FURIN: variants seen among roughly 807,000 people sequenced by gnomAD.
The protein encoded by FURIN is FES upstream region.
FURIN carries 18 observed loss-of-function variants against 89.2 expected under a neutral mutation model. That is an observed-to-expected ratio of 0.20 (90% CI 0.14 to 0.30). The LOEUF (loss-of-function observed/expected upper bound fraction) is 0.30. FURIN is among the 10% of genes least tolerant of loss of function. FURIN has a pLI of 1.00. For synonymous variants in FURIN, 508 were observed against 466.4 expected (o/e 1.09, Z -1.15); for missense variants, 879 against 1,100.5 (o/e 0.80, Z 2.85).
chr15:90,881,556 A>G lies in FURIN; in HGVS notation c.2063A>G (p.Gln688Arg). The G allele has an allele frequency of 6.2e-7, 1 of 1,612,292 alleles. No homozygotes were observed. The highest frequency in any genetic ancestry group is 1.7e-5 in the Admixed American group (1 of 59,966). Residue 688 changes from glutamine (Q) to arginine (R), a missense_variant, in exon 16 of 16, where the codon CAG becomes CGG. Transcript: ENST00000268171. This position sits in a 1 kb window ranked among gnomAD's most constrained non-coding sequence, Gnocchi z 4.3. Reference sequence around the variant, plus strand: ...CAGAGCAGCCGAGAGTCCCCGCCACAGCAGCAGCCACCTCGGCTGCCCCCG... The same window carrying G: ...CAGAGCAGCCGAGAGTCCCCGCCACGGCAGCAGCCACCTCGGCTGCCCCCG... The part of the protein sequence containing the change: ...QSQSSRESPP[Q>R]QQPPRLPPEV...
chr15:90,877,267 A>C, intron 6 of FURIN, 56 bp downstream of exon 6: 1 of 1,396,246 alleles, frequency 7.2e-7, no homozygotes, highest in Non-Finnish European at 9.9e-7. Context: ...CCACTAAGGA[A>C]CAGGGCTGAG....
At chr15:90,871,900 C>A (rs2151218937) in intron 1 of FURIN, among the ~76,000 whole-genome samples, 1 of 151,370 alleles carries the variant, frequency 6.6e-6, no homozygotes, top group South Asian at 2.1e-4. Flanking sequence ...GCGCCGGGCC[C>A]GTCTCGGCCC....
At chr15:90,874,401 A>AGGCAG (rs1338275267) in intron 1 of FURIN, among the ~76,000 whole-genome samples, 2 of 152,248 alleles carry the variant, frequency 1.3e-5, no homozygotes, top group African/African-American at 2.4e-5. Context: ...CTCCAGGCCC[A>AGGCAG]GGCAGGGCAG....
At position 90,870,904 on chromosome 15, in the gene FURIN, G is replaced by A. The variant is rs558267170; in HGVS notation, c.-160+2193G>A. 1.2e-3 allele frequency among the ~76,000 whole-genome samples: 182 copies of A among 152,298 alleles called. 2 individuals are homozygous for A. The highest frequency in any genetic ancestry group is 0.01 in the Middle Eastern group (3 of 294). On this transcript the variant is annotated intron_variant, in intron 1 of 15. Transcript: ENST00000268171. ...GTGGATTAAATCATGTACATAAGAAGGAGATAATGTAAAGTGACTGGCCTG... is the reference window on the plus strand; with the variant it reads ...GTGGATTAAATCATGTACATAAGAAAGAGATAATGTAAAGTGACTGGCCTG...
chr15:90,873,952 AAGG>A (rs750454907), intron 1 of FURIN, among the ~76,000 whole-genome samples: 1 of 152,216 alleles, frequency 6.6e-6, no homozygotes, highest in Non-Finnish European at 1.5e-5. Flanking sequence ...CTGGAGAAGC[AAGG>A]AGTTTTCTGT....
In FURIN at chr15:90,880,218, C is replaced by T. The variant is rs1360200844; in HGVS notation, c.1501C>T (p.Leu501=). The part of the protein sequence containing the change: ...LTLSYNRRGD[L]AIHLVSPMGT... The stretch of plus-strand genomic sequence containing the variant: ...CCTGTCCTATAATCGCCGTGGCGAC[C>T]TGGCCATCCACCTGGTCAGCCCCAT... The change falls in exon 13 of 16, where the codon CTG becomes TTG. Residue 501 remains leucine (L), a synonymous_variant. Transcript: ENST00000268171. 2 of 1,612,530 alleles carry T rather than the reference C, an allele frequency of 1.2e-6. No individual in the cohort carries two copies. Among genetic ancestry groups the T allele is most frequent in the East Asian group, 2.2e-5 (1 of 44,864 alleles).
In FURIN at chr15:90,876,760, G is replaced by T. The variant is rs2151223759; in HGVS notation, c.373-136G>T. The T allele has an allele frequency of 2.0e-6, 2 of 1,010,440 alleles. No individual in the cohort carries two copies. The highest frequency in any genetic ancestry group is 4.9e-5 in the East Asian group (2 of 40,608). 62.6% of individuals were successfully genotyped at this position (1,010,440 alleles called of 1,614,324 possible). On this transcript the variant is annotated intron_variant, in intron 4 of 15. Coordinates refer to ENST00000268171, the MANE Select transcript of FURIN (RefSeq NM_002569.4). This position sits in a 1 kb window ranked among gnomAD's most constrained non-coding sequence, Gnocchi z 5.0. ...GTCCTCTACATTCCCATGGAGTCCAGACAGCCAGTGGCGGCCTTTCAGGAG... is the reference window on the plus strand; with the variant it reads ...GTCCTCTACATTCCCATGGAGTCCATACAGCCAGTGGCGGCCTTTCAGGAG...
chr15:90,875,596 A>G lies in FURIN; in HGVS notation c.-145A>G, dbSNP rs890131353. ...GTTCCTCTCAGGGTCGGCACTCTTCACCCTCCCGAGCCCTGCCCGTCTCGG... is the reference window on the plus strand; with the variant it reads ...GTTCCTCTCAGGGTCGGCACTCTTCGCCCTCCCGAGCCCTGCCCGTCTCGG... On this transcript the variant is annotated 5_prime_UTR_variant, in exon 2 of 16. Transcript: ENST00000268171. 2 of 639,074 alleles carry G rather than the reference A, an allele frequency of 3.1e-6. No homozygotes were observed. 39.6% of individuals were successfully genotyped at this position (639,074 alleles called of 1,614,324 possible). A position where few individuals can be genotyped will look rare whatever the true frequency, so the allele number is the denominator to read the frequency against.
At chr15:90,877,948 C>T (rs1274092698) in intron 7 of FURIN, among the ~76,000 whole-genome samples, 184 bp from the exon 8 acceptor site, 1 of 152,188 alleles carries the variant, frequency 6.6e-6, no homozygotes, top group African/African-American at 2.4e-5. Flanking sequence ...TTTTCCTTCT[C>T]TGGGTCTTGT....
At chr15:90,879,226 A>ACCC (rs1362684809) in intron 9 of FURIN, among the ~76,000 whole-genome samples, 2 of 151,954 alleles carry the variant, frequency 1.3e-5, no homozygotes, top group Admixed American at 6.5e-5. Context: ...CTCTAGTTGA[A>ACCC]CCCCCTTATT....
In FURIN at chr15:90,876,278, C is replaced by G; in HGVS notation, c.201C>G (p.Phe67Leu). 6.2e-7 allele frequency: 1 copy of G among 1,610,784 alleles called. No homozygotes were observed. The highest frequency in any genetic ancestry group is 2.2e-5 in the East Asian group (1 of 44,868). Residue 67 changes from phenylalanine to leucine, a missense_variant, in exon 3 of 16, where the codon TTC becomes TTG. Transcript: ENST00000268171. This position sits in a 1 kb window ranked among gnomAD's most constrained non-coding sequence, Gnocchi z 5.0. The stretch of plus-strand genomic sequence containing the variant: ...AGATCTTCGGGGACTATTACCACTT[C>G]TGGCATCGAGGAGTGACGAAGCGGT... ...LGQIFGDYYH[F>L]WHRGVTKRSL...
At position 90,875,898 on chromosome 15, in the gene FURIN, G is replaced by C. The variant is rs1350804007; in HGVS notation, c.158G>C (p.Gly53Ala). Reference sequence around the variant, plus strand: ...GCCAACAGTGTGGCACGGAAGCATGGGTTCCTCAACCTGGGCCAGGTAGGT... The same window carrying C: ...GCCAACAGTGTGGCACGGAAGCATGCGTTCCTCAACCTGGGCCAGGTAGGT... ...AVANSVARKHGFLNLGQIFGD... is the reference protein window; with the variant it reads ...AVANSVARKHAFLNLGQIFGD... The change falls in exon 2 of 16, where the codon GGG (glycine) becomes GCG (alanine). Residue 53 changes from glycine (G) to alanine (A), a missense_variant. Coordinates refer to ENST00000268171, the MANE Select transcript of FURIN (RefSeq NM_002569.4). 5 of 1,588,594 alleles carry C rather than the reference G, an allele frequency of 3.1e-6. No individual in the cohort carries two copies. The highest frequency in any genetic ancestry group is 4.3e-6 in the Non-Finnish European group (5 of 1,168,724).
chr15:90,877,677 C>T, intron 7 of FURIN, 62 bp downstream of exon 7: 1 of 1,171,256 alleles, frequency 8.5e-7, no homozygotes, highest in Non-Finnish European at 1.2e-6. Context: ...TTTTCCCGCC[C>T]ACTTCCCATC....
chr15:90,881,678 T>G lies in FURIN; in HGVS notation c.2185T>G (p.Phe729Val), dbSNP rs778920322. The stretch of plus-strand genomic sequence containing the variant: ...CAGCTGCGCCTTCATCGTGCTGGTC[T>G]TCGTCACTGTCTTCCTGGTCCTGCA... Reference protein sequence around the residue: ...GLSCAFIVLVFVTVFLVLQLR... With the variant: ...GLSCAFIVLVVVTVFLVLQLR... The change falls in exon 16 of 16, where the codon TTC becomes GTC. Residue 729 changes from phenylalanine (F) to valine (V), a missense_variant. Phe to Val is a conservative substitution (Grantham distance 50). Coordinates refer to ENST00000268171, the MANE Select transcript of FURIN (RefSeq NM_002569.4). The surrounding 1 kb of genome is among the most constrained non-coding windows in gnomAD (Gnocchi z 4.3). 6.3e-7 allele frequency: 1 copy of G among 1,587,280 alleles called. No individual in the cohort carries two copies.
chr15:90,871,906 G>T (rs1398066036), intron 1 of FURIN, among the ~76,000 whole-genome samples: 1 of 151,248 alleles, frequency 6.6e-6, no homozygotes, highest in Non-Finnish European at 1.5e-5. Flanking sequence ...GGCCCGTCTC[G>T]GCCCCCCGGC....
chr15:90,874,419 C>T (rs1410325147), intron 1 of FURIN, among the ~76,000 whole-genome samples: 2 of 152,226 alleles, frequency 1.3e-5, no homozygotes, highest in African/African-American at 2.4e-5. Context: ...CAGGGCTTGG[C>T]GGCCCCAGCG....
At chr15:90,868,982 C>T (rs1209367329) in intron 1 of FURIN, among the ~76,000 whole-genome samples, 7 of 152,158 alleles carry the variant, frequency 4.6e-5, no homozygotes, top group Admixed American at 3.9e-4. Context: ...CCAGAGATTT[C>T]AGAGAAGACT....
chr15:90,875,513 G>A, intron 1 of FURIN, 69 bp from the exon 2 acceptor site: 2 of 436,490 alleles, frequency 4.6e-6, no homozygotes, highest in Non-Finnish European at 8.1e-6. Flanking sequence ...GGGGTGGGCA[G>A]GGCAGCTTTA....
At position 90,876,438 on chromosome 15, in the gene FURIN, C is replaced by T; in HGVS notation, c.277-24C>T. On this transcript the variant is annotated intron_variant, in intron 3 of 15. Coordinates refer to ENST00000268171, the MANE Select transcript of FURIN (RefSeq NM_002569.4). The surrounding 1 kb of genome is among the most constrained non-coding windows in gnomAD (Gnocchi z 5.0). ...CTCTCGCCTCCTGCTCCACCCACAC[C>T]ATCTCTCCCTCACTCCCCCACAGGT... The T allele has an allele frequency of 1.3e-6, 2 of 1,587,064 alleles. No individual in the cohort carries two copies. The highest frequency in any genetic ancestry group is 1.7e-6 in the Non-Finnish European group (2 of 1,155,448).
Sources: allele counts gnomAD v4.1 joint callset (sites outside exome capture counted in the v4.1 genomes callset), GRCh38; gene constraint gnomAD v4.1.1; non-coding constraint Gnocchi (gnomAD v3.1); transcripts MANE v1.5; gene names NCBI Gene and HGNC (gene_info 2026-07-23, HGNC 2026-07-21).